The following RBFOX2 variants were observed in gnomAD, a reference collection of about 807,000 sequenced individuals.
RBFOX2 encodes the protein RNA binding fox-1 homolog 2, also known as RNA binding protein fox-1 homolog 2.
A neutral mutation model predicts 49.1 loss-of-function variants in RBFOX2; 10 were observed. That is an observed-to-expected ratio of 0.20 (90% CI 0.13 to 0.35). The LOEUF (loss-of-function observed/expected upper bound fraction) is 0.35, where lower values mean the gene tolerates loss of function less well. Among genes scored for constraint, RBFOX2 ranks in the 10% least tolerant of loss-of-function variants. The pLI is 1.00. For missense variants in RBFOX2, 323 were observed against 486.9 expected (o/e 0.66, Z 3.17); for synonymous variants, 183 against 187.4 (o/e 0.98, Z 0.19).
chr22:35,912,907 C>T lies in RBFOX2; in HGVS notation c.-34+25940G>A, dbSNP rs76120447. Reference sequence around the variant, plus strand: ...TGACCTTGAGCAAGTACTTTAACCCCTCTTAACCTGTTTTGTAATCAACAA... The same window carrying T: ...TGACCTTGAGCAAGTACTTTAACCCTTCTTAACCTGTTTTGTAATCAACAA... On this transcript the variant is annotated intron_variant, in intron 1 of 13. Transcript: ENST00000359369. Among the ~76,000 whole-genome samples, 1,195 of 152,288 alleles carry T rather than the reference C, an allele frequency of 7.8e-3. 9 individuals are homozygous for T. Among genetic ancestry groups the T allele is most frequent in the Non-Finnish European group, 0.013 (867 of 68,022 alleles).
intron 1 of RBFOX2, among the ~76,000 whole-genome samples, chr22:35,912,733 G>A (rs772866216): frequency 1.1e-4 from 16 of 151,800 alleles, no homozygotes; most frequent in African/African-American, 1.5e-4. Flanking sequence ...TGGGTTTTCC[G>A]GGGTGATCTG....
chr22:35,937,714 C>T (rs2053255053), intron 1 of RBFOX2, among the ~76,000 whole-genome samples: 1 of 152,186 alleles, frequency 6.6e-6, no homozygotes, highest in African/African-American at 2.4e-5. Context: ...CCTCAGCCTC[C>T]CGAGTAGCCA....
intron 9 of RBFOX2, chr22:35,748,449 A>G (rs1233270870): frequency 6.6e-6 from 1 of 152,004 alleles, no homozygotes; most frequent in East Asian, 1.9e-4. Context: ...TGGCCACAAC[A>G]TAATTAAACT....
intron 1 of RBFOX2, among the ~76,000 whole-genome samples, chr22:35,859,185 T>G (rs1228688843): frequency 1.3e-5 from 2 of 152,160 alleles, no homozygotes; most frequent in East Asian, 3.8e-4. Context: ...ACCACCACCA[T>G]CTAATTTCTC....
At chr22:36,025,792 G>A (rs1365255916) in intron 1 of RBFOX2, among the ~76,000 whole-genome samples, 3 of 152,188 alleles carry the variant, frequency 2.0e-5, no homozygotes, top group African/African-American at 2.4e-5. Flanking sequence ...ACTTTGGGAG[G>A]CCGAGGTGGG....
chr22:35,801,710 A>G (rs1321016412), intron 2 of RBFOX2, among the ~76,000 whole-genome samples: 1 of 152,094 alleles, frequency 6.6e-6, no homozygotes, highest in East Asian at 1.9e-4. Context: ...CTGTAACCCT[A>G]GCTACTCGGG....
At chr22:35,808,474 A>G (rs1172908033) in intron 2 of RBFOX2, among the ~76,000 whole-genome samples, 1 of 152,172 alleles carries the variant, frequency 6.6e-6, no homozygotes, top group Non-Finnish European at 1.5e-5. Context: ...TCATAACCAG[A>G]TATAGGAAAG....
chr22:35,783,216 T>C (rs1469785399), intron 2 of RBFOX2, among the ~76,000 whole-genome samples: 2 of 152,140 alleles, frequency 1.3e-5, no homozygotes, highest in Non-Finnish European at 2.9e-5. Context: ...TGTTCCCATG[T>C]TACACAGGAG....
chr22:35,976,280 C>T (rs991769217), intron 1 of RBFOX2, among the ~76,000 whole-genome samples: 2 of 152,066 alleles, frequency 1.3e-5, no homozygotes, highest in Admixed American at 6.6e-5. Flanking sequence ...ATTATCCCAC[C>T]CCTGAATTTG....
At chr22:35,761,108 T>A in intron 8 of RBFOX2, 94 bp downstream of exon 9, 2 of 1,070,256 alleles carry the variant, frequency 1.9e-6, no homozygotes, top group Non-Finnish European at 2.8e-6. Context: ...AATTTCCATT[T>A]CAGTTATGTA....
intron 1 of RBFOX2, among the ~76,000 whole-genome samples, chr22:35,937,617 G>A (rs1436263829): frequency 6.6e-6 from 1 of 152,120 alleles, no homozygotes; most frequent in South Asian, 2.1e-4. Context: ...TTGAGACAAA[G>A]TCTCGCTCTA....
chr22:35,810,385 C>T (rs1659289961), intron 1 of RBFOX2, among the ~76,000 whole-genome samples: 1 of 151,820 alleles, frequency 6.6e-6, no homozygotes, highest in Admixed American at 6.6e-5. Context: ...AGACTCTGTC[C>T]CTAAAAAATA....
chr22:35,944,179 CA>C (rs750514941), intron 1 of RBFOX2, among the ~76,000 whole-genome samples: 1 of 152,114 alleles, frequency 6.6e-6, no homozygotes, highest in African/African-American at 2.4e-5. Flanking sequence ...CGACTGATAC[CA>C]TAACTAAAAT....
At chr22:35,873,498 C>T (rs1335260823) in intron 1 of RBFOX2, among the ~76,000 whole-genome samples, 1 of 152,214 alleles carries the variant, frequency 6.6e-6, no homozygotes, top group Non-Finnish European at 1.5e-5. Flanking sequence ...TCACCCCACT[C>T]ATAGCGTAGT....
intron 1 of RBFOX2, among the ~76,000 whole-genome samples, chr22:35,850,270 G>T (rs2041787926): frequency 6.7e-6 from 1 of 150,326 alleles, no homozygotes; most frequent in South Asian, 2.1e-4. Flanking sequence ...CAGGTGTTAG[G>T]ATTAACAGTA....
At chr22:35,898,204 C>T (rs564838671) in intron 1 of RBFOX2, 10 of 755,430 alleles carry the variant, frequency 1.3e-5, no homozygotes, top group African/African-American at 8.6e-5. Context: ...GACAACACAT[C>T]GGCCCAGGAA....
exon 12 of RBFOX2, chr22:35,744,226 G>A (rs1484865720): frequency 1.2e-6 from 2 of 1,611,384 alleles, no homozygotes; most frequent in Non-Finnish European, 1.7e-6. Flanking sequence ...CAAATCGGCT[G>A]TAGCCACCTC....
chr22:35,833,661 T>C (rs1417336349), intron 1 of RBFOX2, among the ~76,000 whole-genome samples: 1 of 152,160 alleles, frequency 6.6e-6, no homozygotes. Flanking sequence ...TAAAATTGAC[T>C]GGCACAAAGT....
chr22:35,840,110 T>C, intron 1 of RBFOX2: 1 of 1,534,600 alleles, frequency 6.5e-7, no homozygotes, highest in Admixed American at 1.7e-5. Flanking sequence ...ATTAAAACTC[T>C]TCTTACTATA....
Sources: allele counts gnomAD v4.1 joint callset (sites outside exome capture counted in the v4.1 genomes callset), GRCh38; gene constraint gnomAD v4.1.1; transcripts MANE v1.5; gene names NCBI Gene and HGNC (gene_info 2026-07-23, HGNC 2026-07-21).